The following ADAMTSL1 variants were observed in gnomAD, a reference collection of about 807,000 sequenced individuals.
ADAMTSL1 encodes ADAMTS like 1.
In ADAMTSL1, 126 loss-of-function variants were observed where a neutral mutation model predicts 201.8. The ratio of observed to expected loss-of-function variants is 0.62; its 90% CI spans 0.54 to 0.72. The LOEUF (loss-of-function observed/expected upper bound fraction) is 0.72, where lower values mean the gene tolerates loss of function less well. Ranked by LOEUF, ADAMTSL1 falls within the 30% of genes least tolerant of loss-of-function variation. The pLI, the probability that ADAMTSL1 is intolerant of heterozygous loss-of-function variation, is 0.00. For missense variants in ADAMTSL1, 2,679 were observed against 2,277.8 expected (o/e 1.18, Z -3.59); for synonymous variants, 1,121 against 903.4 (o/e 1.24, Z -4.32).
intron 2 of ADAMTSL1, among the ~76,000 whole-genome samples, chr9:18,296,671 AT>A (rs779362701): frequency 2.4e-4 from 37 of 152,216 alleles, no homozygotes; most frequent in Non-Finnish European, 4.4e-4. Context: ...GAATAGAACA[AT>A]GAGTTTAGTT....
chr9:18,091,256 G>T, intron 1 of ADAMTSL1, among the ~76,000 whole-genome samples: 1 of 151,824 alleles, frequency 6.6e-6, no homozygotes, highest in East Asian at 1.9e-4. Flanking sequence ...TCTTCTTTTT[G>T]ATTATATTAT....
chr9:18,555,382 T>C (rs1821044128), intron 3 of ADAMTSL1, among the ~76,000 whole-genome samples: 1 of 151,988 alleles, frequency 6.6e-6, no homozygotes, highest in African/African-American at 2.4e-5. Flanking sequence ...GTATTAACAA[T>C]TTTTTAAATT....
At chr9:18,908,268 G>A in intron 28 of ADAMTSL1, 174 bp from the exon 29 acceptor site, 1 of 635,400 alleles carries the variant, frequency 1.6e-6, no homozygotes, top group Non-Finnish European at 2.8e-6. Flanking sequence ...CAGCCTTGGG[G>A]AGCAAGTGGC....
At chr9:18,906,121 G>C (rs770288335) in intron 27 of ADAMTSL1, among the ~76,000 whole-genome samples, 7 of 152,198 alleles carry the variant, frequency 4.6e-5, no homozygotes, top group African/African-American at 7.2e-5. Context: ...GTGATGAAGA[G>C]TGCAAGGGTG....
intron 1 of ADAMTSL1, among the ~76,000 whole-genome samples, chr9:17,950,142 GGTGATCTGC>G (rs761508187): frequency 3.3e-5 from 5 of 152,004 alleles, no homozygotes; most frequent in Non-Finnish European, 7.4e-5. Context: ...CCTGGACTCA[GGTGATCTGC>G]CTGCCTCGGC....
intron 13 of ADAMTSL1, among the ~76,000 whole-genome samples, chr9:18,685,264 A>G (rs1424794686): frequency 6.6e-6 from 1 of 152,252 alleles, no homozygotes; most frequent in Non-Finnish European, 1.5e-5. Flanking sequence ...TGGGATTGGT[A>G]TCAGGGATGG....
chr9:18,081,844 A>G (rs965487874), intron 1 of ADAMTSL1, among the ~76,000 whole-genome samples: 1 of 152,242 alleles, frequency 6.6e-6, no homozygotes, highest in African/African-American at 2.4e-5. Flanking sequence ...GTTTTAGCAC[A>G]GTGAAGAAAA....
intron 2 of ADAMTSL1, among the ~76,000 whole-genome samples, chr9:18,298,637 T>G (rs16936564): frequency 0.1 from 14,826 of 147,278 alleles, 901 homozygotes; most frequent in Non-Finnish European, 0.14. Flanking sequence ...AATTACCCTA[T>G]AAAGCAAGCA....
intron 2 of ADAMTSL1, among the ~76,000 whole-genome samples, chr9:18,455,743 C>T (rs1196677207): frequency 6.6e-6 from 1 of 151,756 alleles, no homozygotes; most frequent in African/African-American, 2.4e-5. Context: ...TAAAAGTTGC[C>T]AATCTCTTCC....
At chr9:17,959,698 C>T (rs762286822) in intron 1 of ADAMTSL1, among the ~76,000 whole-genome samples, 1 of 152,150 alleles carries the variant, frequency 6.6e-6, no homozygotes, top group Admixed American at 6.5e-5. Context: ...TCAAGTGATC[C>T]ACCCACCTTG....
Position 18,680,355 on chromosome 9 carries a change from G to T in ADAMTSL1, c.1180G>T (p.Gly394Trp), listed in dbSNP as rs779193184. The T allele has an allele frequency of 6.2e-7, 1 of 1,614,178 alleles. No homozygotes were observed. Among genetic ancestry groups the T allele is most frequent in the South Asian group, 1.1e-5 (1 of 91,080 alleles). The change falls in exon 11 of 29, where the codon GGG (glycine) becomes TGG (tryptophan). Residue 394 changes from glycine (G) to tryptophan (W), a missense_variant. Physicochemically the swap from Gly to Trp is radical, Grantham distance 184. Coordinates refer to ENST00000380548, the MANE Select transcript of ADAMTSL1 (RefSeq NM_001040272.6). ...GACCGCGTGCTCCTCCTCGTGTGGG[G>T]GGGGCATCCAGAGCCGGGCAGTTTC... is the stretch of plus-strand genomic sequence containing the variant. Reference protein sequence around the residue: ...PWTACSSSCGGGIQSRAVSCV... With the variant: ...PWTACSSSCGWGIQSRAVSCV...
rs551567703 is a variant in ADAMTSL1, at chr9:18,674,466, C to CCT, written c.1086-1381_1086-1380dup. 3.2e-3 allele frequency among the ~76,000 whole-genome samples: 478 copies of CCT among 151,486 alleles called. 6 individuals are homozygous for CCT. Among genetic ancestry groups the CCT allele is most frequent in the South Asian group, 0.014 (69 of 4,762 alleles). Reference sequence around the variant, plus strand: ...CAGAAACTATGCAGGCCCCTTTATCCCTCTCTCTCTCCTTCTTACCTTTCA... The same window carrying CCT: ...CAGAAACTATGCAGGCCCCTTTATCCCTCTCTCTCTCTCCTTCTTACCTTTCA... On this transcript the variant is annotated intron_variant, in intron 9 of 28. Coordinates refer to ENST00000380548, the MANE Select transcript of ADAMTSL1 (RefSeq NM_001040272.6).
chr9:18,102,976 G>A (rs1187995997), intron 1 of ADAMTSL1, among the ~76,000 whole-genome samples: 1 of 152,140 alleles, frequency 6.6e-6, no homozygotes, highest in Non-Finnish European at 1.5e-5. Context: ...TGTTATTTTT[G>A]TTTACATTTG....
At chr9:18,179,513 A>G (rs1417277209) in intron 2 of ADAMTSL1, among the ~76,000 whole-genome samples, 16 of 152,138 alleles carry the variant, frequency 1.1e-4, no homozygotes, top group East Asian at 1.9e-4. Context: ...TCAGATTCAG[A>G]AAATACAGAG....
intron 1 of ADAMTSL1, among the ~76,000 whole-genome samples, chr9:18,003,588 T>C (rs1300220272): frequency 1.3e-5 from 2 of 152,102 alleles, no homozygotes; most frequent in Non-Finnish European, 2.9e-5. Context: ...GTAGTGTGGA[T>C]GCTTGATGAT....
intron 2 of ADAMTSL1, among the ~76,000 whole-genome samples, chr9:18,325,394 A>T (rs1834790135): frequency 6.6e-6 from 1 of 152,270 alleles, no homozygotes; most frequent in African/African-American, 2.4e-5. Flanking sequence ...CATACCACAC[A>T]GTATGACTTA....
At chr9:18,565,680 C>A (rs1270736304) in intron 3 of ADAMTSL1, among the ~76,000 whole-genome samples, 3 of 151,776 alleles carry the variant, frequency 2.0e-5, no homozygotes, top group Non-Finnish European at 4.4e-5. Flanking sequence ...ACTTTCTGTT[C>A]TTTGCACTTA....
intron 23 of ADAMTSL1, among the ~76,000 whole-genome samples, chr9:18,882,273 T>C (rs997221411): frequency 6.6e-5 from 10 of 152,152 alleles, no homozygotes; most frequent in Admixed American, 3.9e-4. Flanking sequence ...TAAAATCTCA[T>C]CAGCCTCACC....
chr9:17,972,320 CAAG>C (rs1341285101), intron 1 of ADAMTSL1, among the ~76,000 whole-genome samples: 15 of 71,906 alleles, frequency 2.1e-4, no homozygotes, highest in Admixed American at 5.4e-4. Flanking sequence ...CCCCTCCCCC[CAAG>C]CTACAACAGT....
Sources: gnomAD v4.1 joint callset for allele counts (sites outside exome capture counted in the v4.1 genomes callset) on GRCh38, gnomAD v4.1.1 for gene constraint, MANE v1.5 for transcripts, NCBI Gene and HGNC (gene_info 2026-07-23, HGNC 2026-07-21) for gene names.